FREM1: variants seen among roughly 807,000 people sequenced by gnomAD.
The protein encoded by FREM1 is FRAS1 related extracellular matrix 1, also known as FRAS1-related extracellular matrix protein 1.
A neutral mutation model predicts 210.1 loss-of-function variants in FREM1; 220 were observed. The ratio of observed to expected loss-of-function variants is 1.05; its 90% CI spans 0.94 to 1.17. The LOEUF (loss-of-function observed/expected upper bound fraction) is 1.17. Among genes scored for constraint, FREM1 ranks in the 50% most tolerant of loss-of-function variants. The pLI is 0.00. For synonymous variants in FREM1, 1,189 were observed against 980.2 expected (o/e 1.21, Z -3.98); for missense variants, 3,454 against 2,675.5 (o/e 1.29, Z -6.42).
chr9:14,839,621 T>G (rs188486044), intron 10 of FREM1, among the ~76,000 whole-genome samples: 136 of 152,326 alleles, frequency 8.9e-4, no homozygotes, highest in Non-Finnish European at 1.4e-3. Flanking sequence ...GTTTGACCAA[T>G]TTGCCCAGAT....
chr9:14,830,404 C>G (rs1174151550), intron 10 of FREM1, among the ~76,000 whole-genome samples: 1 of 152,130 alleles, frequency 6.6e-6, no homozygotes, highest in Non-Finnish European at 1.5e-5. Flanking sequence ...CACTAGTTTT[C>G]TACTGTTTGC....
In FREM1 at chr9:14,857,541, C is replaced by A. The variant is rs1174962670; in HGVS notation, c.828+12G>T. ...AATCCTGGGGGCACCCACACATAACCCCAAACTCTACCTTGTACACAATTT... is the reference window on the plus strand; with the variant it reads ...AATCCTGGGGGCACCCACACATAACACCAAACTCTACCTTGTACACAATTT... On this transcript the variant is annotated intron_variant, in intron 5 of 36. Transcript: ENST00000380880. 3 of 1,609,616 alleles carry A rather than the reference C, an allele frequency of 1.9e-6. No individual in the cohort carries two copies. Among genetic ancestry groups the A allele is most frequent in the Non-Finnish European group, 2.5e-6 (3 of 1,177,158 alleles).
chr9:14,860,676 CATATATACACAT>C (rs1354862769), intron 3 of FREM1, among the ~76,000 whole-genome samples: 2 of 107,182 alleles, frequency 1.9e-5, no homozygotes, highest in African/African-American at 1.0e-4. Flanking sequence ...TATATACACA[CATATATACACAT>C]ATATACACAC....
intron 27 of FREM1, among the ~76,000 whole-genome samples, chr9:14,766,362 C>A (rs1295139634): frequency 2.6e-5 from 4 of 152,202 alleles, no homozygotes; most frequent in Non-Finnish European, 4.4e-5. Flanking sequence ...CTGAGCTATT[C>A]TGCCTGTGTG....
chr9:14,817,501 C>A (rs1176294878), intron 14 of FREM1, among the ~76,000 whole-genome samples: 2 of 152,178 alleles, frequency 1.3e-5, no homozygotes, highest in Admixed American at 6.5e-5. Flanking sequence ...TTCTCAGCCA[C>A]ATTTCTTGAA....
At chr9:14,874,618 T>A (rs1363266282) in intron 1 of FREM1, among the ~76,000 whole-genome samples, 1 of 151,902 alleles carries the variant, frequency 6.6e-6, no homozygotes, top group Admixed American at 6.6e-5. Flanking sequence ...TGACTCTTTA[T>A]CCAATTTGCC....
intron 1 of FREM1, among the ~76,000 whole-genome samples, chr9:14,875,030 G>T (rs1325120628): frequency 6.6e-6 from 1 of 152,178 alleles, no homozygotes; most frequent in African/African-American, 2.4e-5. Flanking sequence ...TTTCTGCCGA[G>T]AGATCCGCTG....
In FREM1 at chr9:14,803,333, C is replaced by T. The variant is rs1434956373; in HGVS notation, c.3472-1459G>A. ...TTTTCTTTTCCCCTCCCCTCCCCTA[C>T]CCTCCTCCTTCCTTCCTTTCTTCCT... On this transcript the variant is annotated intron_variant, in intron 19 of 36. Coordinates refer to ENST00000380880, the MANE Select transcript of FREM1 (RefSeq NM_001379081.2). Among the ~76,000 whole-genome samples, 24 of 142,340 alleles carry T rather than the reference C, an allele frequency of 1.7e-4. 1 individual carries two copies. The highest frequency in any genetic ancestry group is 6.3e-4 in the African/African-American group (24 of 38,208). The allele number at this position is 142,340 out of a possible 152,430, so 93.4% of individuals were successfully genotyped here.
chr9:14,880,376 G>T (rs1158531958), intron 1 of FREM1, among the ~76,000 whole-genome samples: 2 of 152,128 alleles, frequency 1.3e-5, no homozygotes, highest in Admixed American at 1.3e-4. Context: ...AGCCGAGGCG[G>T]GTGGATCACC....
intron 1 of FREM1, among the ~76,000 whole-genome samples, chr9:14,885,579 T>C (rs915865636): frequency 8.5e-5 from 13 of 152,070 alleles, no homozygotes; most frequent in Non-Finnish European, 1.9e-4. Context: ...CCACCACATC[T>C]GGCTAATTGT....
intron 15 of FREM1, among the ~76,000 whole-genome samples, chr9:14,814,069 C>G (rs1819880130): frequency 6.6e-6 from 1 of 152,150 alleles, no homozygotes; most frequent in South Asian, 2.1e-4. Flanking sequence ...ATCTCTCTCC[C>G]CACTGCCCAC....
intron 1 of FREM1, among the ~76,000 whole-genome samples, chr9:14,872,336 T>G (rs1411902213): frequency 6.6e-6 from 1 of 152,160 alleles, no homozygotes; most frequent in African/African-American, 2.4e-5. Context: ...TATCCTCTTT[T>G]ATTTCATTGA....
chr9:14,758,621 T>C (rs1844849926), intron 28 of FREM1, among the ~76,000 whole-genome samples: 2 of 145,194 alleles, frequency 1.4e-5, no homozygotes, highest in South Asian at 2.3e-4. Context: ...TGAGACTTAA[T>C]AGAAATGGCC....
At chr9:14,887,420 T>C (rs1836011334) in intron 1 of FREM1, among the ~76,000 whole-genome samples, 1 of 152,218 alleles carries the variant, frequency 6.6e-6, no homozygotes, top group Non-Finnish European at 1.5e-5. Flanking sequence ...ATTTCTTTGG[T>C]GGGCCCATAC....
At chr9:14,844,002 A>C (rs1826151116) in intron 8 of FREM1, among the ~76,000 whole-genome samples, 2 of 152,244 alleles carry the variant, frequency 1.3e-5, no homozygotes, top group African/African-American at 4.8e-5. Flanking sequence ...AATGGGAATA[A>C]TAATAGTATC....
intron 1 of FREM1, among the ~76,000 whole-genome samples, chr9:14,872,070 G>A (rs926318717): frequency 2.6e-5 from 4 of 152,120 alleles, no homozygotes; most frequent in South Asian, 4.2e-4. Context: ...GGTTACTGTA[G>A]CCTTGTTGTA....
rs149335442 is a variant in FREM1 at position 14,868,333 on chromosome 9, G to T, written c.234+411C>A. Among the ~76,000 whole-genome samples the T allele has an allele frequency of 3.3e-5, 5 of 151,794 alleles. No homozygotes were observed. In the East Asian group the frequency reaches 7.8e-4, roughly 24 times the overall value. Reference sequence around the variant, plus strand: ...TCCTGTATAATTAGCTACTCTATAAGGTCAAGCAGCTGGTGAGATATACCA... The same window carrying T: ...TCCTGTATAATTAGCTACTCTATAATGTCAAGCAGCTGGTGAGATATACCA... On this transcript the variant is annotated intron_variant, in intron 2 of 36. Coordinates refer to ENST00000380880, the MANE Select transcript of FREM1 (RefSeq NM_001379081.2).
intron 14 of FREM1, among the ~76,000 whole-genome samples, chr9:14,818,671 T>C (rs1393770492): frequency 1.3e-5 from 2 of 152,174 alleles, no homozygotes; most frequent in African/African-American, 4.8e-5. Flanking sequence ...AAGGGCAGTT[T>C]CTCTAGGACC....
intron 1 of FREM1, among the ~76,000 whole-genome samples, chr9:14,885,049 C>A (rs562934915): frequency 7.6e-6 from 1 of 130,942 alleles, no homozygotes; most frequent in African/African-American, 2.9e-5. Flanking sequence ...CTCAGCCCCC[C>A]GAGTGGCTGG....
Sources: gnomAD v4.1 joint callset for allele counts (sites outside exome capture counted in the v4.1 genomes callset) on GRCh38, gnomAD v4.1.1 for gene constraint, MANE v1.5 for transcripts, NCBI Gene and HGNC (gene_info 2026-07-23, HGNC 2026-07-21) for gene names.